The following ELMO1 variants were observed in gnomAD, a reference collection of about 807,000 sequenced individuals.
ELMO1 encodes engulfment and cell motility 1.
Under a neutral mutation model 98.9 loss-of-function variants are expected in ELMO1, and 26 were observed. That is an observed-to-expected ratio of 0.26 (90% confidence interval 0.19 to 0.36). The LOEUF is 0.36. ELMO1 is among the 10% of genes least tolerant of loss of function. The probability of loss-of-function intolerance (pLI) is 1.00; values close to 1 mark genes in which losing one functional copy is unlikely to be tolerated. For synonymous variants in ELMO1, 346 were observed against 346.0 expected, an observed-to-expected ratio of 1.00 and a Z score of 0.00; for missense variants, 627 against 935.2, an observed-to-expected ratio of 0.67 and a Z score of 4.30.
chr7:37,316,697 C>A lies in ELMO1; in HGVS notation c.79-737G>T, dbSNP rs1164060415. On this transcript the variant is annotated intron_variant, in intron 2 of 21. Transcript: ENST00000310758. ...CTTCCTGTTTTGGATGCAAACAAGA[C>A]CCTGTCTGTCTCTAGGATGGGGAGT... is the stretch of plus-strand genomic sequence containing the variant. Among the ~76,000 whole-genome samples the A allele has an allele frequency of 2.0e-5, 3 of 152,184 alleles. No homozygotes were observed. The East Asian group carries it at 5.8e-4, about 29-fold the overall frequency.
At chr7:37,009,794 T>C (rs926462335) in intron 16 of ELMO1, among the ~76,000 whole-genome samples, 15 of 152,344 alleles carry the variant, frequency 9.8e-5, no homozygotes, top group African/African-American at 3.6e-4. Context: ...TGTTGGGCTT[T>C]TTTAAAGACA....
intron 8 of ELMO1, among the ~76,000 whole-genome samples, chr7:37,228,046 T>C (rs192515933): frequency 1.3e-5 from 2 of 152,260 alleles, no homozygotes; most frequent in Non-Finnish European, 2.9e-5. Flanking sequence ...TACAGTCCTA[T>C]GTACAAGTCT....
intron 2 of ELMO1, among the ~76,000 whole-genome samples, chr7:37,333,229 T>C (rs1462801677): frequency 7.2e-5 from 11 of 152,210 alleles, no homozygotes; most frequent in Admixed American, 7.2e-4. Flanking sequence ...GAGTTCCTTC[T>C]CAACACTGAA....
At chr7:37,446,693 A>C (rs539730545) in intron 1 of ELMO1, among the ~76,000 whole-genome samples, 23 of 152,304 alleles carry the variant, frequency 1.5e-4, no homozygotes, top group African/African-American at 5.5e-4. Flanking sequence ...CCAGACTCCC[A>C]TCCGGGTCTG....
intron 1 of ELMO1, among the ~76,000 whole-genome samples, chr7:37,435,743 A>G (rs1180079427): frequency 2.6e-5 from 4 of 152,182 alleles, no homozygotes; most frequent in Non-Finnish European, 5.9e-5. Flanking sequence ...ACCAGTTGAC[A>G]ATAATTATAT....
chr7:36,877,805 C>T (rs146900046), intron 19 of ELMO1, among the ~76,000 whole-genome samples: 19 of 152,302 alleles, frequency 1.2e-4, no homozygotes, highest in African/African-American at 3.8e-4. Context: ...CCTTTGCATC[C>T]ATTTTACATT....
At chr7:37,197,529 T>C (rs1792039035) in intron 13 of ELMO1, among the ~76,000 whole-genome samples, 2 of 152,304 alleles carry the variant, frequency 1.3e-5, no homozygotes, top group Non-Finnish European at 2.9e-5. Context: ...TAGTCACCAC[T>C]TGAAAAAATG....
At chr7:37,400,338 C>T (rs1803472342) in intron 1 of ELMO1, among the ~76,000 whole-genome samples, 1 of 152,072 alleles carries the variant, frequency 6.6e-6, no homozygotes, top group Non-Finnish European at 1.5e-5. Flanking sequence ...TCACAATGTG[C>T]TGTGTGGACC....
rs763822878 is a variant in ELMO1 at position 37,013,362 on chromosome 7, G to A, written c.1374C>T (p.Ile458=). ...HDRSFEEFFC[I]CIQLLNKTWK... Reference sequence around the variant, plus strand: ...ATGTCTTGTTCAGGAGCTGGATACAGATGCAGAAAAACTCCTCAAAGGATC... The same window carrying A: ...ATGTCTTGTTCAGGAGCTGGATACAAATGCAGAAAAACTCCTCAAAGGATC... The change falls in exon 16 of 22, where the codon ATC becomes ATT. Residue 458 remains isoleucine (I), a synonymous_variant. Transcript: ENST00000310758. 4.6e-5 allele frequency: 75 copies of A among 1,614,032 alleles called. No homozygotes were observed. The highest frequency in any genetic ancestry group is 6.7e-5 in the African/African-American group (5 of 74,930).
intron 18 of ELMO1, among the ~76,000 whole-genome samples, 172 bp downstream of exon 18, chr7:36,887,388 T>G (rs1805113256): frequency 6.6e-6 from 1 of 152,008 alleles, no homozygotes; most frequent in African/African-American, 2.4e-5. Flanking sequence ...AATTGTGGAC[T>G]TTGATTCTCT....
chr7:37,254,928 G>C (rs1378735774), intron 6 of ELMO1, among the ~76,000 whole-genome samples: 1 of 152,160 alleles, frequency 6.6e-6, no homozygotes, highest in Non-Finnish European at 1.5e-5. Flanking sequence ...CCCCCATCCT[G>C]GGTCTGAGGA....
intron 8 of ELMO1, among the ~76,000 whole-genome samples, chr7:37,231,853 A>AT (rs1448549737): frequency 2.0e-5 from 3 of 151,418 alleles, no homozygotes; most frequent in East Asian, 1.9e-4. Context: ...GTCTGTACTA[A>AT]TTTTTTTTTA....
At chr7:37,197,211 T>C (rs942200928) in intron 13 of ELMO1, 7 of 152,348 alleles carry the variant, frequency 4.6e-5, no homozygotes, top group African/African-American at 1.4e-4. Context: ...CCTCTTTCTC[T>C]CGTCTTCAGA....
intron 10 of ELMO1, among the ~76,000 whole-genome samples, chr7:37,217,351 T>C (rs553323875): frequency 6.6e-6 from 1 of 152,300 alleles, no homozygotes; most frequent in Non-Finnish European, 1.5e-5. Context: ...AGAGTCCCTT[T>C]ATAAATATTG....
At chr7:37,296,919 A>G (rs1798055665) in intron 4 of ELMO1, among the ~76,000 whole-genome samples, 1 of 152,200 alleles carries the variant, frequency 6.6e-6, no homozygotes, top group African/African-American at 2.4e-5. Context: ...CTCTCAAGCC[A>G]ATACGCCTGA....
intron 15 of ELMO1, among the ~76,000 whole-genome samples, chr7:37,055,814 G>GC (rs1377551254): frequency 6.6e-6 from 1 of 152,070 alleles, no homozygotes; most frequent in Non-Finnish European, 1.5e-5. Context: ...TGTCAGCCAC[G>GC]CACCCTGGAG....
At chr7:37,199,120 T>C (rs762865579) in intron 13 of ELMO1, among the ~76,000 whole-genome samples, 8 of 152,158 alleles carry the variant, frequency 5.3e-5, no homozygotes, top group Non-Finnish European at 8.8e-5. Flanking sequence ...GCGTGCTAAA[T>C]AGGAAAGGAG....
chr7:37,119,622 A>G (rs1454803241), intron 14 of ELMO1, among the ~76,000 whole-genome samples: 1 of 152,216 alleles, frequency 6.6e-6, no homozygotes, highest in African/African-American at 2.4e-5. Flanking sequence ...AAGTGGCTAT[A>G]ATGAAACAAT....
At chr7:36,875,797 C>T (rs1803911582) in intron 19 of ELMO1, among the ~76,000 whole-genome samples, 1 of 152,114 alleles carries the variant, frequency 6.6e-6, no homozygotes, top group Admixed American at 6.5e-5. Flanking sequence ...AGGAACTGCC[C>T]CTACACAAGG....
Sources: allele counts gnomAD v4.1 joint callset (sites outside exome capture counted in the v4.1 genomes callset), GRCh38; gene constraint gnomAD v4.1.1; transcripts MANE v1.5; gene names NCBI Gene and HGNC (gene_info 2026-07-23, HGNC 2026-07-21).